GGT7: variants seen among roughly 807,000 people sequenced by gnomAD.
GGT7 encodes gamma-glutamyltransferase 7.
Under a neutral mutation model 69.2 loss-of-function variants are expected in GGT7, and 30 were observed. The ratio of observed to expected loss-of-function variants is 0.43; its 90% confidence interval spans 0.32 to 0.59. The LOEUF is 0.59. Among genes scored for constraint, GGT7 ranks in the 20% least tolerant of loss-of-function variants. The pLI is 0.05. For synonymous variants in GGT7, 388 were observed against 391.8 expected (o/e 0.99, Z 0.12); for missense variants, 733 against 901.1 (o/e 0.81, Z 2.39).
chr20:34,859,976 A>G lies in GGT7; in HGVS notation c.810T>C (p.His270=), dbSNP rs369642023. ...AVAQDGFNVT[H]DLARALAEQL... is the part of the protein sequence containing the mutation. ...TCCCCAGGCCCCACTGACCTAGATCATGAGTCACGTTGAAGCCATCTTGGG... is the reference window on the plus strand; with the variant it reads ...TCCCCAGGCCCCACTGACCTAGATCGTGAGTCACGTTGAAGCCATCTTGGG... Residue 270 remains histidine (H), a synonymous_variant, in exon 6 of 15, where the codon CAT becomes CAC. Coordinates refer to ENST00000336431, the MANE Select transcript of GGT7 (RefSeq NM_178026.3). 4 of 1,557,428 alleles carry G rather than the reference A, an allele frequency of 2.6e-6. No individual in the cohort carries two copies. The African/African-American group carries it at 4.1e-5, about 16-fold the overall frequency.
chr20:34,861,253 A>C, intron 4 of GGT7, 192 bp downstream of exon 4: 1 of 392,768 alleles, frequency 2.5e-6, no homozygotes, highest in East Asian at 3.6e-5. Context: ...ATTCCCAGAG[A>C]AGTAAGGTTC....
At position 34,849,967 on chromosome 20, in the gene GGT7, C is replaced by A; in HGVS notation, c.1819G>T (p.Val607Leu). ...HPDLQSNLLQ[V>L]DSEFTEEEIE... ...GTCTCTGCTCTGCACTCACTGTCCA[C>A]CTGCAGGAGGTTGGACTGCAGGTCC... The change falls in exon 14 of 15, where the codon GTG becomes TTG. Residue 607 changes from valine to leucine, a missense_variant. Val to Leu is a conservative substitution (Grantham distance 32, BLOSUM62 1). Transcript: ENST00000336431. 6.2e-7 allele frequency: 1 copy of A among 1,604,404 alleles called. No homozygotes were observed. The highest frequency in any genetic ancestry group is 8.5e-7 in the Non-Finnish European group (1 of 1,171,560).
chr20:34,854,835 G>C lies in GGT7; in HGVS notation c.1191C>G (p.Ser397Arg), dbSNP rs148078939. The stretch of plus-strand genomic sequence containing the variant: ...GAAGAGCCTGTTCTCGGGATACCAG[G>C]CTGGTGAGATTGAAGCCCTCCAGGA... ...LNILEGFNLT[S>R]LVSREQALHW... The change falls in exon 9 of 15, where the codon AGC (serine) becomes AGG (arginine). Residue 397 changes from serine (S) to arginine (R), a missense_variant. Transcript: ENST00000336431. 6.8e-6 allele frequency: 11 copies of C among 1,614,058 alleles called. 1 individual carries two copies. The highest frequency in any genetic ancestry group is 2.2e-5 in the South Asian group (2 of 91,086).
rs1178515808 is a variant in GGT7, at chr20:34,859,959, C to G, written c.817+10G>C. ...CTCATGTCTCTCCCAAATCCCCAGG[C>G]CCCACTGACCTAGATCATGAGTCAC... is the stretch of plus-strand genomic sequence containing the variant. On this transcript the variant is annotated intron_variant, in intron 6 of 14. Transcript: ENST00000336431. The G allele has an allele frequency of 6.5e-7, 1 of 1,530,292 alleles. No homozygotes were observed. Among genetic ancestry groups the G allele is most frequent in the African/African-American group, 1.4e-5 (1 of 72,930 alleles). The allele number at this position is 1,530,292 out of a possible 1,614,324, so 94.8% of individuals were successfully genotyped here.
At chr20:34,858,278 A>G (rs2079528061) in intron 7 of GGT7, among the ~76,000 whole-genome samples, 2 of 152,226 alleles carry the variant, frequency 1.3e-5, no homozygotes. Context: ...AAAGGAAAGT[A>G]GAGTTGAGAG....
chr20:34,862,787 G>T (rs1054120615), intron 3 of GGT7, 27 bp downstream of exon 3: 1 of 1,613,148 alleles, frequency 6.2e-7, no homozygotes, highest in South Asian at 1.1e-5. Flanking sequence ...GTAGGCCTGG[G>T]GGACCCCGAC....
intron 14 of GGT7, among the ~76,000 whole-genome samples, chr20:34,847,359 T>G (rs1826260360): frequency 2.0e-5 from 3 of 152,128 alleles, no homozygotes; most frequent in Admixed American, 2.0e-4. Context: ...ACAAATCAGG[T>G]CATGTGTCTC....
At position 34,863,954 on chromosome 20, in the gene GGT7, C is replaced by T. The variant is rs1256953578; in HGVS notation, c.170-406G>A. 6.6e-6 allele frequency among the ~76,000 whole-genome samples: 1 copy of T among 152,214 alleles called. No individual in the cohort carries two copies. The highest frequency in any genetic ancestry group is 1.5e-5 in the Non-Finnish European group (1 of 68,034). On this transcript the variant is annotated intron_variant, in intron 1 of 14. Coordinates refer to ENST00000336431, the MANE Select transcript of GGT7 (RefSeq NM_178026.3). The surrounding 1 kb of genome is among the most constrained non-coding windows in gnomAD (Gnocchi z 4.4). ...GCTACATAAACAGAGTGGAGGGACC[C>T]TGCCTTCCAACCTCACTTCAGTTAT...
chr20:34,861,636 AC>A (rs1246404799), intron 3 of GGT7, 74 bp from the exon 4 acceptor site: 11 of 896,248 alleles, frequency 1.2e-5, no homozygotes, highest in Non-Finnish European at 3.2e-6. Context: ...CTGCCCCTCC[AC>A]CCCCAGTGGT....
intron 14 of GGT7, among the ~76,000 whole-genome samples, chr20:34,846,791 C>T (rs890242449): frequency 6.6e-6 from 1 of 152,224 alleles, no homozygotes; most frequent in Middle Eastern, 3.2e-3. Flanking sequence ...TGCTACTTCT[C>T]TAAATTCCTC....
intron 10 of GGT7, 29 bp from the exon 11 acceptor site, chr20:34,852,567 A>T (rs2079416614): frequency 6.4e-7 from 1 of 1,551,356 alleles, no homozygotes; most frequent in South Asian, 1.2e-5. Flanking sequence ...GGAGATGAGC[A>T]AACAACAGGC....
intron 7 of GGT7, among the ~76,000 whole-genome samples, chr20:34,858,181 C>G (rs184294757): frequency 1.3e-5 from 2 of 152,156 alleles, no homozygotes; most frequent in African/African-American, 4.8e-5. Context: ...AGGAAAAATG[C>G]TCTTTCTCTG....
intron 1 of GGT7, among the ~76,000 whole-genome samples, chr20:34,868,914 C>T (rs1187578087): frequency 3.3e-5 from 5 of 152,174 alleles, no homozygotes; most frequent in Non-Finnish European, 5.9e-5. Context: ...AAAGTCCATT[C>T]CTTTTTAGGT....
chr20:34,861,603 T>A, intron 3 of GGT7, 41 bp from the exon 4 acceptor site: 2 of 1,164,498 alleles, frequency 1.7e-6, no homozygotes, highest in Non-Finnish European at 2.3e-6. Flanking sequence ...GATAACATGC[T>A]ACCCCTCTGT....
chr20:34,850,917 G>A, intron 13 of GGT7: 1 of 647,392 alleles, frequency 1.5e-6, no homozygotes, highest in East Asian at 3.3e-5. Flanking sequence ...CTATTCAGAT[G>A]CTGGGTAGAG....
intron 14 of GGT7, among the ~76,000 whole-genome samples, chr20:34,848,675 G>A (rs542045621): frequency 6.6e-6 from 1 of 152,224 alleles, no homozygotes; most frequent in Non-Finnish European, 1.5e-5. Context: ...GAGCTGTGCA[G>A]TAAAGAATAG....
chr20:34,854,886 G>T lies in GGT7; in HGVS notation c.1140C>A (p.Gly380=). ...LVLSPPPPHT[G]PALISALNIL... is the part of the protein sequence containing the mutation. ...TGTTGAGAGCACTGATGAGGGCAGG[G>T]CCCGTGTGCGGAGGTGGGGGACTAA... The change falls in exon 9 of 15, where the codon GGC becomes GGA. Residue 380 remains glycine (G), a synonymous_variant. Transcript: ENST00000336431. 1 of 1,613,980 alleles carries T rather than the reference G, an allele frequency of 6.2e-7. No homozygotes were observed. Among genetic ancestry groups the T allele is most frequent in the Non-Finnish European group, 8.5e-7 (1 of 1,179,876 alleles).
At chr20:34,853,340 G>GGGGT (rs1435116812) in intron 10 of GGT7, among the ~76,000 whole-genome samples, 10 of 147,428 alleles carry the variant, frequency 6.8e-5, no homozygotes, top group African/African-American at 2.2e-4. Context: ...ATTTCATATA[G>GGGGT]GTGTGTGTGT....
At chr20:34,859,837 G>A in intron 6 of GGT7, 132 bp downstream of exon 6, 1 of 793,484 alleles carries the variant, frequency 1.3e-6, no homozygotes, top group Non-Finnish European at 2.1e-6. Flanking sequence ...AGGTGAGGGT[G>A]GGATAAGGTG....
Sources: gnomAD v4.1 joint callset for allele counts (sites outside exome capture counted in the v4.1 genomes callset) on GRCh38, gnomAD v4.1.1 for gene constraint, Gnocchi (gnomAD v3.1) non-coding constraint, MANE v1.5 for transcripts, NCBI Gene and HGNC (gene_info 2026-07-23, HGNC 2026-07-21) for gene names.